SHANK2: variants seen among roughly 807,000 people sequenced by gnomAD.
SHANK2 encodes the protein SH3 and multiple ankyrin repeat domains protein 2.
A neutral mutation model predicts 133.7 loss-of-function variants in SHANK2; 43 were observed. The ratio of observed to expected loss-of-function variants is 0.32; its 90% CI spans 0.25 to 0.41. The LOEUF is 0.41. SHANK2 is among the 10% of genes least tolerant of loss of function. The pLI, the probability that SHANK2 is intolerant of heterozygous loss-of-function variation, is 1.00. For missense variants in SHANK2, 1,994 were observed against 2,235.8 expected (o/e 0.89, Z 2.18); for synonymous variants, 1,017 against 952.8 (o/e 1.07, Z -1.24).
At chr11:70,674,600 C>T (rs558095909) in intron 15 of SHANK2, among the ~76,000 whole-genome samples, 5 of 152,338 alleles carry the variant, frequency 3.3e-5, no homozygotes, top group Non-Finnish European at 5.9e-5. Flanking sequence ...TGGCCTGCCT[C>T]GGCCTCCCAA....
At chr11:70,888,795 C>T (rs781879117) in intron 11 of SHANK2, among the ~76,000 whole-genome samples, 3 of 150,186 alleles carry the variant, frequency 2.0e-5, no homozygotes, top group Admixed American at 1.3e-4. Flanking sequence ...CCAGCCTGGG[C>T]GACAGAGGGA....
At chr11:70,507,618 C>T (rs541027623) in intron 17 of SHANK2, among the ~76,000 whole-genome samples, 16 of 152,278 alleles carry the variant, frequency 1.1e-4, no homozygotes, top group African/African-American at 3.6e-4. Flanking sequence ...TCCCGTCTGT[C>T]ACCACTCCGC....
At chr11:70,953,123 G>A (rs1260387366) in intron 10 of SHANK2, among the ~76,000 whole-genome samples, 1 of 151,962 alleles carries the variant, frequency 6.6e-6, no homozygotes, top group Non-Finnish European at 1.5e-5. Flanking sequence ...TTTGAACACT[G>A]GCCCTTTCCA....
intron 13 of SHANK2, among the ~76,000 whole-genome samples, chr11:70,799,097 A>G (rs1190986064): frequency 6.6e-6 from 1 of 152,172 alleles, no homozygotes; most frequent in Non-Finnish European, 1.5e-5. Flanking sequence ...AGCGTGCGGA[A>G]GGAGAAATCA....
chr11:70,528,504 G>A (rs1591539805), intron 17 of SHANK2, among the ~76,000 whole-genome samples: 2 of 152,226 alleles, frequency 1.3e-5, no homozygotes, highest in East Asian at 3.9e-4. Flanking sequence ...CGTTTACTGC[G>A]CAGTGTTCAA....
At chr11:70,745,844 T>A (rs1946626384) in intron 14 of SHANK2, among the ~76,000 whole-genome samples, 1 of 152,198 alleles carries the variant, frequency 6.6e-6, no homozygotes, top group African/African-American at 2.4e-5. Context: ...GCTCAAAAGG[T>A]GGCCTCATGC....
At chr11:70,710,672 C>T (rs1404605711) in intron 14 of SHANK2, among the ~76,000 whole-genome samples, 1 of 152,174 alleles carries the variant, frequency 6.6e-6, no homozygotes, top group Non-Finnish European at 1.5e-5. Context: ...GTTGGGGAGG[C>T]CAGTCCCATA....
rs57172693 is a variant in SHANK2 at position 71,133,346 on chromosome 11, A to ATGGCTGGCTGGCTGGCTGGC, written c.207+13754_207+13773dup. Among the ~76,000 whole-genome samples, 103 of 111,958 alleles carry ATGGCTGGCTGGCTGGCTGGC rather than the reference A, an allele frequency of 9.2e-4. 4 individuals carry two copies. Among genetic ancestry groups the ATGGCTGGCTGGCTGGCTGGC allele is most frequent in the African/African-American group, 3.7e-3 (101 of 27,130 alleles). The allele number at this position is 111,958 out of a possible 152,430, so 73.4% of individuals were successfully genotyped here. On this transcript the variant is annotated intron_variant, in intron 3 of 25. Transcript: ENST00000601538. Reference sequence around the variant, plus strand: ...GGTAGGTGGGTGGCTGGGAGGATGCATGGCTGGCTGGCTGGCTGGCTGGGT... The same window carrying ATGGCTGGCTGGCTGGCTGGC: ...GGTAGGTGGGTGGCTGGGAGGATGCATGGCTGGCTGGCTGGCTGGCTGGCTGGCTGGCTGGCTGGCTGGGT...
chr11:70,706,357 AC>A (rs1289417258), intron 14 of SHANK2, among the ~76,000 whole-genome samples: 1 of 152,008 alleles, frequency 6.6e-6, no homozygotes, highest in East Asian at 1.9e-4. Flanking sequence ...ACACCCTTGG[AC>A]CCTTTGCTCA....
chr11:70,581,674 G>A (rs1199675079), intron 17 of SHANK2, among the ~76,000 whole-genome samples: 2 of 152,150 alleles, frequency 1.3e-5, no homozygotes, highest in Admixed American at 6.5e-5. Context: ...CTGGGTGACC[G>A]AGCGAGACTC....
intron 10 of SHANK2, among the ~76,000 whole-genome samples, chr11:70,915,131 C>T (rs540005004): frequency 6.6e-6 from 1 of 152,246 alleles, no homozygotes; most frequent in East Asian, 1.9e-4. Context: ...CTGGGTACTG[C>T]TGGCTTGCGG....
At chr11:71,153,533 A>G (rs1555108524) in intron 2 of SHANK2, among the ~76,000 whole-genome samples, 2 of 152,236 alleles carry the variant, frequency 1.3e-5, no homozygotes, top group Non-Finnish European at 2.9e-5. Context: ...AGACTTTTCC[A>G]CTAATTATTT....
intron 14 of SHANK2, among the ~76,000 whole-genome samples, chr11:70,719,539 C>A (rs1435830536): frequency 6.6e-6 from 1 of 152,042 alleles, no homozygotes; most frequent in East Asian, 1.9e-4. Context: ...GGTGCAGAAC[C>A]CTGACCTACG....
At chr11:70,629,512 C>G (rs782488904) in intron 17 of SHANK2, among the ~76,000 whole-genome samples, 1 of 152,080 alleles carries the variant, frequency 6.6e-6, no homozygotes, top group African/African-American at 2.4e-5. Context: ...TCACAGGCTG[C>G]GGGCCACCGT....
At chr11:70,557,528 G>A (rs1272078275) in intron 17 of SHANK2, among the ~76,000 whole-genome samples, 1 of 152,168 alleles carries the variant, frequency 6.6e-6, no homozygotes, top group African/African-American at 2.4e-5. Flanking sequence ...CCCTTGGGAG[G>A]CTCATTCCAG....
rs572546811 is a variant in SHANK2, at chr11:70,830,964, C to T, written c.1175-10282G>A. ...ACCCACTGTTCCTATAGGGGTCCTG[C>T]GTGGAGGGCCTACAACGACCCTGGA... On this transcript the variant is annotated intron_variant, in intron 11 of 25. Transcript: ENST00000601538. The surrounding 1 kb of genome is among the most constrained non-coding windows in gnomAD (Gnocchi z 4.4). 3.3e-5 allele frequency among the ~76,000 whole-genome samples: 5 copies of T among 152,226 alleles called. No homozygotes were observed. Among genetic ancestry groups the T allele is most frequent in the African/African-American group, 7.2e-5 (3 of 41,546 alleles).
intron 16 of SHANK2, among the ~76,000 whole-genome samples, chr11:70,660,745 T>G (rs2061474329): frequency 1.3e-5 from 2 of 152,086 alleles, no homozygotes; most frequent in African/African-American, 4.8e-5. Context: ...ATGCATCTGC[T>G]CTTTCTCTCT....
chr11:70,711,159 G>T (rs1238636997), intron 14 of SHANK2, among the ~76,000 whole-genome samples: 1 of 152,146 alleles, frequency 6.6e-6, no homozygotes, highest in Admixed American at 6.5e-5. Context: ...GGCGGGGTGG[G>T]GTCCCCAGGA....
At chr11:71,097,990 G>GTGCGTGCCTGTGTGTGCATT (rs1951650205) in intron 6 of SHANK2, among the ~76,000 whole-genome samples, 2 of 151,218 alleles carry the variant, frequency 1.3e-5, no homozygotes, top group South Asian at 4.2e-4. Flanking sequence ...GTGTGTGCAT[G>GTGCGTGCCTGTGTGTGCATT]TGCATGCCTG....
Sources: allele counts gnomAD v4.1 joint callset (sites outside exome capture counted in the v4.1 genomes callset), GRCh38; gene constraint gnomAD v4.1.1; non-coding constraint Gnocchi (gnomAD v3.1); transcripts MANE v1.5; gene names NCBI Gene and HGNC (gene_info 2026-07-23, HGNC 2026-07-21).